The following CCDC148 variants were observed in gnomAD, a reference collection of about 807,000 sequenced individuals.
The protein encoded by CCDC148 is coiled-coil domain-containing protein 148.
In CCDC148, 89 loss-of-function variants were observed where a neutral mutation model predicts 85.7. The observed-to-expected ratio is 1.04, with a 90% confidence interval of 0.87 to 1.24. CCDC148 has a LOEUF of 1.24. Among genes scored for constraint, CCDC148 ranks in the 50% most tolerant of loss-of-function variants. CCDC148 has a pLI of 0.00. For missense variants in CCDC148, 692 were observed against 671.7 expected (o/e 1.03, Z -0.33); for synonymous variants, 230 against 213.9 (o/e 1.08, Z -0.66).
At chr2:158,224,484 G>A (rs1687382514) in intron 10 of CCDC148, among the ~76,000 whole-genome samples, 1 of 152,150 alleles carries the variant, frequency 6.6e-6, no homozygotes, top group Non-Finnish European at 1.5e-5. Flanking sequence ...GATACTCCTT[G>A]AGAAGAGCAA....
At chr2:158,300,332 G>C (rs964478177) in intron 9 of CCDC148, among the ~76,000 whole-genome samples, 6 of 152,180 alleles carry the variant, frequency 3.9e-5, no homozygotes, top group Admixed American at 1.3e-4. Flanking sequence ...AAAATCTAGG[G>C]CAGGGGTAGG....
chr2:158,257,931 T>C (rs1689074934), intron 9 of CCDC148, among the ~76,000 whole-genome samples: 1 of 151,894 alleles, frequency 6.6e-6, no homozygotes, highest in African/African-American at 2.4e-5. Context: ...GTCAATTTTA[T>C]TTATGAAAGT....
intron 1 of CCDC148, among the ~76,000 whole-genome samples, chr2:158,360,242 A>C (rs532527553): frequency 6.6e-6 from 1 of 152,294 alleles, no homozygotes; most frequent in African/African-American, 2.4e-5. Flanking sequence ...GGCAGCTGTG[A>C]GCGCAGCTTC....
At chr2:158,225,784 T>C (rs1318108280) in intron 10 of CCDC148, among the ~76,000 whole-genome samples, 2 of 152,080 alleles carry the variant, frequency 1.3e-5, no homozygotes, top group Admixed American at 6.5e-5. Context: ...CATACCAGAA[T>C]CTCTGGGACA....
chr2:158,326,786 C>T (rs925928447), intron 7 of CCDC148, among the ~76,000 whole-genome samples: 37 of 151,986 alleles, frequency 2.4e-4, no homozygotes, highest in African/African-American at 8.7e-4. Context: ...TTTCTCACAC[C>T]TACTCCCCCA....
At chr2:158,192,093 CAG>C (rs566151654) in intron 11 of CCDC148, among the ~76,000 whole-genome samples, 72 of 152,120 alleles carry the variant, frequency 4.7e-4, no homozygotes, top group African/African-American at 1.6e-3. Context: ...ATAAACTGGA[CAG>C]AGATTCAGAT....
intron 11 of CCDC148, among the ~76,000 whole-genome samples, chr2:158,180,393 C>T (rs1451379798): frequency 6.6e-6 from 1 of 152,056 alleles, no homozygotes; most frequent in Non-Finnish European, 1.5e-5. Flanking sequence ...TCTTAAGAGA[C>T]GTACAAATAA....
rs1559044614 is a variant in CCDC148, at chr2:158,285,917, C to A, written c.1110+23516G>T. Among the ~76,000 whole-genome samples the A allele has an allele frequency of 2.0e-5, 3 of 152,018 alleles. No homozygotes were observed. The East Asian group carries it at 5.8e-4, about 29-fold the overall frequency. On this transcript the variant is annotated intron_variant, in intron 9 of 13. Transcript: ENST00000283233. ...AATGGCCCTTATCAATGCTTCTATT[C>A]AATACTGTAATGGAGGTTCTAACCA...
chr2:158,374,459 C>T (rs1684574670), intron 1 of CCDC148, among the ~76,000 whole-genome samples: 1 of 151,820 alleles, frequency 6.6e-6, no homozygotes, highest in Non-Finnish European at 1.5e-5. Context: ...TGATACATAC[C>T]ATATGATACC....
At chr2:158,437,638 C>T (rs1320014925) in intron 1 of CCDC148, among the ~76,000 whole-genome samples, 2 of 152,054 alleles carry the variant, frequency 1.3e-5, no homozygotes, top group African/African-American at 4.8e-5. Context: ...GGCAATCAGG[C>T]AGGAGAAGGA....
chr2:158,281,100 C>T (rs1690268251), intron 9 of CCDC148, among the ~76,000 whole-genome samples: 1 of 152,066 alleles, frequency 6.6e-6, no homozygotes, highest in African/African-American at 2.4e-5. Context: ...ACACAACATA[C>T]CAGAATCTCT....
At chr2:158,371,366 C>T (rs1405127616) in intron 1 of CCDC148, among the ~76,000 whole-genome samples, 1 of 151,880 alleles carries the variant, frequency 6.6e-6, no homozygotes, top group African/African-American at 2.4e-5. Context: ...TTAGTTTAAA[C>T]TATTCTTTAG....
chr2:158,386,253 A>G (rs932206568), intron 1 of CCDC148, among the ~76,000 whole-genome samples: 3 of 152,116 alleles, frequency 2.0e-5, no homozygotes, highest in African/African-American at 7.2e-5. Flanking sequence ...AGGTTAAACA[A>G]CTTGTTCAAG....
intron 9 of CCDC148, among the ~76,000 whole-genome samples, chr2:158,255,678 AG>A (rs1009548493): frequency 1.3e-5 from 2 of 151,808 alleles, no homozygotes; most frequent in African/African-American, 2.4e-5. Flanking sequence ...AGAACATTTT[AG>A]TAGTTTTATT....
chr2:158,209,720 G>A (rs35110801), intron 11 of CCDC148, among the ~76,000 whole-genome samples: 34,117 of 152,088 alleles, frequency 0.22, 3,913 homozygotes, highest in Middle Eastern at 0.27. Context: ...ACTAAGCTTC[G>A]TAAGCGAAGG....
At chr2:158,306,959 C>A (rs1691720162) in intron 9 of CCDC148, among the ~76,000 whole-genome samples, 1 of 150,016 alleles carries the variant, frequency 6.7e-6, no homozygotes, top group Admixed American at 6.7e-5. Flanking sequence ...GCGCAGCTTG[C>A]AGTGAGCTGA....
intron 3 of CCDC148, among the ~76,000 whole-genome samples, chr2:158,342,039 T>TTTTTTTTTTTTTTC: frequency 7.0e-6 from 1 of 141,854 alleles, no homozygotes; most frequent in Non-Finnish European, 1.5e-5. Flanking sequence ...TTTTTTTTTT[T>TTTTTTTTTTTTTTC]TTTTTTTTGA....
At chr2:158,448,260 T>C (rs896218765) in intron 1 of CCDC148, among the ~76,000 whole-genome samples, 5 of 152,240 alleles carry the variant, frequency 3.3e-5, no homozygotes, top group African/African-American at 1.2e-4. Flanking sequence ...ATCCTATTAT[T>C]ATAGCTTTAT....
chr2:158,429,524 T>C (rs1311888753), intron 1 of CCDC148, among the ~76,000 whole-genome samples: 1 of 152,094 alleles, frequency 6.6e-6, no homozygotes, highest in African/African-American at 2.4e-5. Flanking sequence ...CAGATTAGTA[T>C]GATATTCTAG....
Sources: gnomAD v4.1 joint callset for allele counts (sites outside exome capture counted in the v4.1 genomes callset) on GRCh38, gnomAD v4.1.1 for gene constraint, MANE v1.5 for transcripts, NCBI Gene and HGNC (gene_info 2026-07-23, HGNC 2026-07-21) for gene names.